Variants in STAC observed in about 807,000 individuals in gnomAD.
STAC encodes SH3 and cysteine rich domain, also known as SH3 and cysteine-rich domain-containing protein.
Under a neutral mutation model 48.8 loss-of-function variants are expected in STAC, and 43 were observed. The ratio of observed to expected loss-of-function variants is 0.88; its 90% CI spans 0.69 to 1.14. The LOEUF is 1.14. Ranked by LOEUF, STAC falls within the 50% of genes most tolerant of loss-of-function variation. The pLI, the probability that STAC is intolerant of heterozygous loss-of-function variation, is 0.00. For missense variants in STAC, 497 were observed against 504.0 expected, an observed-to-expected ratio of 0.99 and a Z score of 0.13; for synonymous variants, 193 against 179.5, an observed-to-expected ratio of 1.07 and a Z score of -0.60.
intron 1 of STAC, among the ~76,000 whole-genome samples, chr3:36,401,938 G>A (rs1193648107): frequency 1.3e-5 from 2 of 152,112 alleles, no homozygotes; most frequent in Non-Finnish European, 2.9e-5. Flanking sequence ...GCTGTGCAAG[G>A]TGATTTAGGT....
At chr3:36,511,411 CT>C (rs1487627764) in intron 8 of STAC, among the ~76,000 whole-genome samples, 2 of 152,166 alleles carry the variant, frequency 1.3e-5, no homozygotes, top group Non-Finnish European at 2.9e-5. Flanking sequence ...AAGGAAAAGA[CT>C]TCTGCTTCCA....
chr3:36,445,591 T>G (rs1696487169), intron 2 of STAC, among the ~76,000 whole-genome samples: 1 of 152,188 alleles, frequency 6.6e-6, no homozygotes. Context: ...TTTAATTATC[T>G]GATAATGGAG....
In STAC at chr3:36,398,624, A is replaced by AAG. The variant is rs1553631570; in HGVS notation, c.111+17871_111+17872insGA. On this transcript the variant is annotated intron_variant, in intron 1 of 10. Coordinates refer to ENST00000273183, the MANE Select transcript of STAC (RefSeq NM_003149.3). ...AGAAAGGAAGGAGGGAAGGAAGAGA[A>AAG]AAAGAGAGAGAAAGAAAGAAAGAAA... Among the ~76,000 whole-genome samples the AAG allele has an allele frequency of 1.1e-4, 7 of 60,984 alleles. No homozygotes were observed. The East Asian group carries it at 3.0e-3, about 26-fold the overall frequency. 40.0% of individuals were successfully genotyped at this position (60,984 alleles called of 152,430 possible). A position where few individuals can be genotyped will look rare whatever the true frequency, so the allele number is the denominator to read the frequency against.
At chr3:36,519,590 A>G (rs79303376) in intron 8 of STAC, among the ~76,000 whole-genome samples, 1 of 152,180 alleles carries the variant, frequency 6.6e-6, no homozygotes, top group Non-Finnish European at 1.5e-5. Context: ...CACATCACTT[A>G]TTTTAAGTGC....
intron 1 of STAC, among the ~76,000 whole-genome samples, chr3:36,393,001 CTT>C: frequency 6.6e-6 from 1 of 152,158 alleles, no homozygotes; most frequent in Non-Finnish European, 1.5e-5. Context: ...ATGATCTTGT[CTT>C]CCACCCTCTT....
At chr3:36,458,686 T>C (rs1420658012) in intron 2 of STAC, among the ~76,000 whole-genome samples, 1 of 152,214 alleles carries the variant, frequency 6.6e-6, no homozygotes, top group Non-Finnish European at 1.5e-5. Flanking sequence ...ACTTCCATAC[T>C]AATTGATTGA....
chr3:36,493,347 G>A (rs529282172), intron 6 of STAC, 118 bp downstream of exon 6: 32 of 894,574 alleles, frequency 3.6e-5, no homozygotes, highest in Admixed American at 1.1e-4. Context: ...TAATCAGGGC[G>A]AGTGTTCAAT....
chr3:36,397,887 G>A (rs1165401832), intron 1 of STAC, among the ~76,000 whole-genome samples: 1 of 151,696 alleles, frequency 6.6e-6, no homozygotes, highest in African/African-American at 2.4e-5. Context: ...TTGCCGATAG[G>A]ATGACTTTTG....
intron 1 of STAC, among the ~76,000 whole-genome samples, chr3:36,391,065 A>T (rs939612478): frequency 1.6e-4 from 25 of 152,208 alleles, no homozygotes; most frequent in African/African-American, 5.1e-4. Context: ...ATTCCCATGA[A>T]TTCCATCATG....
chr3:36,398,412 GAGGGAAGGAAGGAA>G (rs1426439550), intron 1 of STAC, among the ~76,000 whole-genome samples: 6 of 128,442 alleles, frequency 4.7e-5, no homozygotes, highest in Admixed American at 8.2e-5. Flanking sequence ...GAGAAAGAGA[GAGGGAAGGAAGGAA>G]GGAAGGAAGG....
At chr3:36,510,451 T>C (rs1698508374) in intron 8 of STAC, among the ~76,000 whole-genome samples, 1 of 152,142 alleles carries the variant, frequency 6.6e-6, no homozygotes, top group Non-Finnish European at 1.5e-5. Flanking sequence ...GCAATCCCAT[T>C]ACTGGGTATA....
intron 1 of STAC, among the ~76,000 whole-genome samples, chr3:36,415,372 C>G (rs1051433431): frequency 2.0e-5 from 3 of 152,198 alleles, no homozygotes; most frequent in Admixed American, 1.3e-4. Flanking sequence ...CAATGGCAGG[C>G]GCCCCTCCCC....
At chr3:36,500,415 G>T (rs1698255075) in intron 6 of STAC, among the ~76,000 whole-genome samples, 1 of 152,104 alleles carries the variant, frequency 6.6e-6, no homozygotes, top group Admixed American at 6.5e-5. Flanking sequence ...TGGACCCAGG[G>T]AGGGGAACAA....
chr3:36,474,461 G>T (rs1282203491), intron 2 of STAC, among the ~76,000 whole-genome samples: 1 of 152,194 alleles, frequency 6.6e-6, no homozygotes, highest in Non-Finnish European at 1.5e-5. Flanking sequence ...TTCAGTGGAA[G>T]AAATCTAGAC....
chr3:36,484,862 TG>T (rs1188868767), intron 3 of STAC, 114 bp from the exon 4 acceptor site: 1 of 668,102 alleles, frequency 1.5e-6, no homozygotes, highest in Non-Finnish European at 2.4e-6. Context: ...GGCATGTTAA[TG>T]GGAGACAGGA....
intron 2 of STAC, among the ~76,000 whole-genome samples, chr3:36,469,854 T>G (rs1031369564): frequency 6.6e-6 from 1 of 152,194 alleles, no homozygotes; most frequent in Non-Finnish European, 1.5e-5. Flanking sequence ...GCTTGTTTGA[T>G]TCTATTGTCA....
chr3:36,485,055 A>G lies in STAC; in HGVS notation c.568A>G (p.Ile190Val). The G allele has an allele frequency of 6.2e-7, 1 of 1,602,906 alleles. No homozygotes were observed. Among genetic ancestry groups the G allele is most frequent in the Middle Eastern group, 1.7e-4 (1 of 6,028 alleles). The change falls in exon 4 of 11, where the codon ATT (isoleucine) becomes GTT (valine). Residue 190 changes from isoleucine to valine, a missense_variant. By Grantham distance (29) the Ile-to-Val change is conservative. Coordinates refer to ENST00000273183, the MANE Select transcript of STAC (RefSeq NM_003149.3). ...QFGCIKEVMP[I>V]ACGNKVDPVY... ...TGGCTGCATTAAAGAAGTTATGCCC[A>G]TTGGTGAGTTGGGACATTGATGGGT...
intron 5 of STAC, 86 bp downstream of exon 5, chr3:36,486,335 T>A: frequency 8.5e-7 from 1 of 1,181,234 alleles, no homozygotes; most frequent in Non-Finnish European, 1.2e-6. Context: ...GTATTCCACC[T>A]GACTGCCTCA....
intron 8 of STAC, among the ~76,000 whole-genome samples, chr3:36,514,240 A>G (rs1006688160): frequency 8.8e-6 from 1 of 113,808 alleles, no homozygotes; most frequent in Non-Finnish European, 1.7e-5. Context: ...TTTTTTCACA[A>G]AAGGACCACA....
Sources: gnomAD v4.1 joint callset for allele counts (sites outside exome capture counted in the v4.1 genomes callset) on GRCh38, gnomAD v4.1.1 for gene constraint, MANE v1.5 for transcripts, NCBI Gene and HGNC (gene_info 2026-07-23, HGNC 2026-07-21) for gene names.